Variants in CPQ observed in about 807,000 individuals in gnomAD.
CPQ encodes Ser-Met dipeptidase.
In CPQ, 37 loss-of-function variants were observed where a neutral mutation model predicts 45.7. That is an observed-to-expected ratio of 0.81 (90% CI 0.62 to 1.07). The LOEUF (loss-of-function observed/expected upper bound fraction) is 1.07, where lower values mean the gene tolerates loss of function less well. Ranked by LOEUF, CPQ falls within the 50% of genes least tolerant of loss-of-function variation. CPQ has a pLI of 0.00. For missense variants in CPQ, 537 were observed against 572.9 expected, an observed-to-expected ratio of 0.94 and a Z score of 0.64; for synonymous variants, 186 against 205.8, an observed-to-expected ratio of 0.90 and a Z score of 0.82.
At chr8:97,040,164 T>C (rs1322328122) in intron 6 of CPQ, among the ~76,000 whole-genome samples, 2 of 150,586 alleles carry the variant, frequency 1.3e-5, no homozygotes, top group Non-Finnish European at 3.0e-5. Flanking sequence ...GACTTTTTAA[T>C]GATTGCCATT....
At chr8:97,069,409 T>C (rs1323496129) in intron 7 of CPQ, among the ~76,000 whole-genome samples, 1 of 151,064 alleles carries the variant, frequency 6.6e-6, no homozygotes, top group Non-Finnish European at 1.5e-5. Flanking sequence ...GGTGGGAGAA[T>C]TGCTTGAGGC....
chr8:97,140,717 A>C (rs2130633692), intron 7 of CPQ, among the ~76,000 whole-genome samples: 1 of 152,208 alleles, frequency 6.6e-6, no homozygotes, highest in East Asian at 1.9e-4. Flanking sequence ...TCTAAAATTT[A>C]TCTGAAAGAG....
At chr8:96,832,656 A>G (rs1811475291) in intron 2 of CPQ, among the ~76,000 whole-genome samples, 1 of 152,138 alleles carries the variant, frequency 6.6e-6, no homozygotes, top group South Asian at 2.1e-4. Context: ...AGGCCAGGGA[A>G]TGCTCCCTAA....
chr8:96,969,508 G>C (rs11998312), intron 5 of CPQ, among the ~76,000 whole-genome samples: 2,509 of 152,316 alleles, frequency 0.016, 64 homozygotes, highest in African/African-American at 0.057. Flanking sequence ...GACCAACATG[G>C]CTTGGCTGGG....
intron 1 of CPQ, among the ~76,000 whole-genome samples, chr8:96,724,431 T>C (rs991291374): frequency 6.6e-6 from 1 of 151,800 alleles, no homozygotes; most frequent in African/African-American, 2.4e-5. Context: ...TGCAGTAGTA[T>C]TTCTGTGCAT....
At chr8:96,955,401 G>GAC (rs1351837795) in intron 4 of CPQ, among the ~76,000 whole-genome samples, 4 of 152,098 alleles carry the variant, frequency 2.6e-5, no homozygotes, top group Non-Finnish European at 5.9e-5. Context: ...GTCTTCCTTT[G>GAC]AGAAGTGTCT....
intron 4 of CPQ, among the ~76,000 whole-genome samples, chr8:96,940,430 C>T (rs1438681611): frequency 6.6e-6 from 1 of 152,200 alleles, no homozygotes; most frequent in Non-Finnish European, 1.5e-5. Context: ...AGGAATAGTG[C>T]TCCATCTTGC....
At chr8:96,798,200 G>T (rs1200588062) in intron 2 of CPQ, among the ~76,000 whole-genome samples, 1 of 151,520 alleles carries the variant, frequency 6.6e-6, no homozygotes, top group Non-Finnish European at 1.5e-5. Context: ...CACAATCATG[G>T]TTCACTGCAG....
intron 4 of CPQ, among the ~76,000 whole-genome samples, chr8:96,915,934 T>C (rs1296959992): frequency 1.3e-5 from 2 of 152,108 alleles, no homozygotes; most frequent in Non-Finnish European, 2.9e-5. Context: ...TGCCTGGAGG[T>C]GATCACATGA....
rs1815567522 is a variant in CPQ at position 96,650,704 on chromosome 8, T to A, written c.-35+5302T>A. Among the ~76,000 whole-genome samples, 3 of 152,188 alleles carry A rather than the reference T, an allele frequency of 2.0e-5. No homozygotes were observed. In the South Asian group the frequency reaches 6.2e-4, roughly 32 times the overall value. ...AATGTAAAAGTAAAGCAGATGGTAT[T>A]TGAAGACCAAAAGAGCCAAGATCTC... On this transcript the variant is annotated intron_variant, in intron 1 of 7. Coordinates refer to ENST00000220763, the MANE Select transcript of CPQ (RefSeq NM_016134.4).
intron 4 of CPQ, among the ~76,000 whole-genome samples, chr8:96,884,217 C>T (rs1191779200): frequency 1.3e-5 from 2 of 152,170 alleles, no homozygotes; most frequent in Non-Finnish European, 2.9e-5. Context: ...TCTCCTTTAT[C>T]ACTGTCCTAC....
chr8:96,741,897 A>C (rs543392770), intron 1 of CPQ, among the ~76,000 whole-genome samples: 1 of 145,138 alleles, frequency 6.9e-6, no homozygotes, highest in Admixed American at 7.0e-5. Context: ...ACTTCCAACT[A>C]TGTGGTCAAT....
At chr8:96,974,249 A>G (rs1267168115) in intron 5 of CPQ, among the ~76,000 whole-genome samples, 2 of 152,192 alleles carry the variant, frequency 1.3e-5, no homozygotes, top group Non-Finnish European at 1.5e-5. Context: ...CAAACTTTAA[A>G]TCAACAGCAG....
intron 1 of CPQ, among the ~76,000 whole-genome samples, chr8:96,651,109 C>A (rs184203075): frequency 6.6e-6 from 1 of 152,094 alleles, no homozygotes; most frequent in Admixed American, 6.6e-5. Context: ...TGTTAGAGAC[C>A]ATTTAAAATA....
chr8:96,861,951 G>A (rs1360201821), intron 3 of CPQ, among the ~76,000 whole-genome samples: 1 of 152,110 alleles, frequency 6.6e-6, no homozygotes, highest in African/African-American at 2.4e-5. Context: ...AAACTTTCTT[G>A]AAGGAGATAG....
chr8:96,832,010 G>A (rs1811466641), intron 2 of CPQ, among the ~76,000 whole-genome samples: 1 of 152,176 alleles, frequency 6.6e-6, no homozygotes, highest in Non-Finnish European at 1.5e-5. Context: ...TTCTGTCACT[G>A]TAGAAAGTTC....
At chr8:96,945,546 A>G (rs1813178318) in intron 4 of CPQ, among the ~76,000 whole-genome samples, 2 of 152,178 alleles carry the variant, frequency 1.3e-5, no homozygotes, top group Admixed American at 6.5e-5. Flanking sequence ...TCCATGCCAT[A>G]CAAGATTTGA....
intron 4 of CPQ, among the ~76,000 whole-genome samples, chr8:96,940,485 C>T (rs1375952392): frequency 6.6e-6 from 1 of 152,106 alleles, no homozygotes. Flanking sequence ...TTCTTTCTTT[C>T]TTTGCTTCTT....
intron 7 of CPQ, 87 bp downstream of exon 7, chr8:97,066,297 T>C: frequency 8.3e-7 from 1 of 1,205,380 alleles, no homozygotes; most frequent in Non-Finnish European, 1.2e-6. Context: ...CAATGAATAC[T>C]AGTAGGCCAG....
Sources: allele counts gnomAD v4.1 joint callset (sites outside exome capture counted in the v4.1 genomes callset), GRCh38; gene constraint gnomAD v4.1.1; transcripts MANE v1.5; gene names NCBI Gene and HGNC (gene_info 2026-07-23, HGNC 2026-07-21).